TENM4: variants seen among roughly 807,000 people sequenced by gnomAD.
TENM4 encodes teneurin transmembrane protein 4.
A neutral mutation model predicts 243.3 loss-of-function variants in TENM4; 82 were observed. The ratio of observed to expected loss-of-function variants is 0.34; its 90% CI spans 0.28 to 0.40. The LOEUF is 0.40. TENM4 is among the 10% of genes least tolerant of loss of function. The probability of loss-of-function intolerance (pLI) is 1.00; values close to 1 mark genes in which losing one functional copy is unlikely to be tolerated. For synonymous variants in TENM4, 1,412 were observed against 1,456.3 expected (o/e 0.97, Z 0.69); for missense variants, 3,138 against 3,673.3 (o/e 0.85, Z 3.77).
chr11:78,849,290 C>T (rs1858476750), intron 12 of TENM4, among the ~76,000 whole-genome samples: 1 of 152,162 alleles, frequency 6.6e-6, no homozygotes, highest in Non-Finnish European at 1.5e-5. Context: ...CTCAAGAAAA[C>T]TTCTTGGGTT....
chr11:79,314,042 G>A (rs568130420), intron 1 of TENM4, among the ~76,000 whole-genome samples: 7 of 152,316 alleles, frequency 4.6e-5, no homozygotes, highest in African/African-American at 9.6e-5. Flanking sequence ...AGATAATCAT[G>A]TTTGCAAGTA....
intron 6 of TENM4, among the ~76,000 whole-genome samples, chr11:78,945,373 C>T (rs1312933658): frequency 6.6e-6 from 1 of 152,122 alleles, no homozygotes; most frequent in Non-Finnish European, 1.5e-5. Flanking sequence ...TTCTGAGATG[C>T]CACAAACTGT....
At chr11:78,742,824 A>T (rs945491600) in intron 19 of TENM4, among the ~76,000 whole-genome samples, 6 of 152,148 alleles carry the variant, frequency 3.9e-5, no homozygotes, top group African/African-American at 7.2e-5. Context: ...AAACAAAATC[A>T]AGCAAATAAA....
At chr11:79,298,516 C>T (rs1227262159) in intron 1 of TENM4, among the ~76,000 whole-genome samples, 9 of 118,198 alleles carry the variant, frequency 7.6e-5, no homozygotes, top group African/African-American at 1.3e-4. Flanking sequence ...AGCAAGACTC[C>T]GTCTCAAAAA....
At chr11:79,400,099 C>CCCCACACA (rs1555062824) in intron 1 of TENM4, among the ~76,000 whole-genome samples, 4 of 140,588 alleles carry the variant, frequency 2.8e-5, no homozygotes, top group Non-Finnish European at 6.1e-5. Context: ...TAAACACACA[C>CCCCACACA]CACACACACA....
intron 3 of TENM4, among the ~76,000 whole-genome samples, chr11:79,167,792 C>G (rs1193809347): frequency 6.6e-6 from 1 of 152,152 alleles, no homozygotes; most frequent in East Asian, 1.9e-4. Flanking sequence ...ACCCCCAGGT[C>G]TATCTGACCC....
At chr11:79,370,659 C>T (rs1366436567) in intron 1 of TENM4, among the ~76,000 whole-genome samples, 1 of 151,862 alleles carries the variant, frequency 6.6e-6, no homozygotes, top group Non-Finnish European at 1.5e-5. Flanking sequence ...CCTGTCCTCT[C>T]TGTGAGTTAT....
At chr11:79,248,613 A>T (rs1855559299) in intron 2 of TENM4, among the ~76,000 whole-genome samples, 1 of 152,186 alleles carries the variant, frequency 6.6e-6, no homozygotes, top group Non-Finnish European at 1.5e-5. Flanking sequence ...CAGGGGGAAA[A>T]AGTCTTCAAA....
intron 19 of TENM4, among the ~76,000 whole-genome samples, chr11:78,742,123 T>C (rs1295260166): frequency 6.6e-6 from 1 of 152,210 alleles, no homozygotes; most frequent in Non-Finnish European, 1.5e-5. Flanking sequence ...GTCGTATGTT[T>C]ATATCATTTG....
chr11:78,657,429 A>T lies in TENM4; in HGVS notation c.*629T>A, dbSNP rs562783684. On this transcript the variant is annotated 3_prime_UTR_variant, in exon 34 of 34. Coordinates refer to ENST00000278550, the MANE Select transcript of TENM4 (RefSeq NM_001098816.3). ...CTTGAACAGGAGTTTGGGGCAGCTTAAAAAAGGTGCTGAACAACACCATGA... is the reference window on the plus strand; with the variant it reads ...CTTGAACAGGAGTTTGGGGCAGCTTTAAAAAGGTGCTGAACAACACCATGA... 16 of 371,928 alleles carry T rather than the reference A, an allele frequency of 4.3e-5. No homozygotes were observed. In the South Asian group the frequency reaches 2.2e-3, roughly 51 times the overall value. The allele number at this position is 371,928 out of a possible 1,614,324, so 23.0% of individuals were successfully genotyped here. A position where few individuals can be genotyped will look rare whatever the true frequency, so the allele number is the denominator to read the frequency against.
At chr11:78,769,373 G>A (rs1246057711) in intron 18 of TENM4, among the ~76,000 whole-genome samples, 2 of 152,064 alleles carry the variant, frequency 1.3e-5, no homozygotes, top group Non-Finnish European at 2.9e-5. Flanking sequence ...CCGGGAAACC[G>A]CTACCCATCC....
chr11:78,690,071 A>G (rs1258880709), intron 28 of TENM4, among the ~76,000 whole-genome samples: 3 of 151,776 alleles, frequency 2.0e-5, no homozygotes, highest in East Asian at 3.9e-4. Context: ...ATGTCCTGCC[A>G]TGATTTCTCC....
chr11:78,869,880 T>C (rs77017718), intron 9 of TENM4, among the ~76,000 whole-genome samples: 4,429 of 152,234 alleles, frequency 0.029, 187 homozygotes, highest in African/African-American at 0.1. Context: ...TTGAGATAGT[T>C]TGTTAAGAGG....
chr11:79,174,555 C>A (rs1347884747), intron 3 of TENM4, among the ~76,000 whole-genome samples: 1 of 152,200 alleles, frequency 6.6e-6, no homozygotes, highest in Non-Finnish European at 1.5e-5. Flanking sequence ...CTGTGCCCTG[C>A]AAGGCTGCTC....
intron 6 of TENM4, among the ~76,000 whole-genome samples, chr11:78,907,548 G>A (rs1246954828): frequency 6.6e-6 from 1 of 152,170 alleles, no homozygotes. Context: ...CAGTGTGTGT[G>A]TGAAAGGGCA....
intron 4 of TENM4, among the ~76,000 whole-genome samples, chr11:79,145,220 G>A (rs902313434): frequency 6.6e-6 from 1 of 151,950 alleles, no homozygotes; most frequent in East Asian, 1.9e-4. Flanking sequence ...CCTCTGTTAT[G>A]CTCATTTTAT....
chr11:79,324,502 G>T (rs1856942024), intron 1 of TENM4, among the ~76,000 whole-genome samples: 1 of 152,154 alleles, frequency 6.6e-6, no homozygotes, highest in African/African-American at 2.4e-5. Context: ...TGAGATTACA[G>T]ACATGAGCCA....
In TENM4 at chr11:78,886,805, T is replaced by C. The variant is rs917158398; in HGVS notation, c.1084+2980A>G. Among the ~76,000 whole-genome samples the C allele has an allele frequency of 7.2e-5, 11 of 152,200 alleles. No homozygotes were observed. The East Asian group carries it at 2.1e-3, about 29-fold the overall frequency. On this transcript the variant is annotated intron_variant, in intron 9 of 33. Coordinates refer to ENST00000278550, the MANE Select transcript of TENM4 (RefSeq NM_001098816.3). ...AAGTATTTCGACACAGACACAATAT[T>C]ATCTGTGTAGAAATATCTGTGTTAT... is the stretch of plus-strand genomic sequence containing the variant.
intron 20 of TENM4, among the ~76,000 whole-genome samples, chr11:78,733,366 G>T (rs991045082): frequency 3.3e-5 from 5 of 152,178 alleles, no homozygotes; most frequent in Admixed American, 1.3e-4. Context: ...TCCTAGTTCT[G>T]TCTTCAATGT....
Sources: allele counts gnomAD v4.1 joint callset (sites outside exome capture counted in the v4.1 genomes callset), GRCh38; gene constraint gnomAD v4.1.1; transcripts MANE v1.5; gene names NCBI Gene and HGNC (gene_info 2026-07-23, HGNC 2026-07-21).